MAGI2: variants seen among roughly 807,000 people sequenced by gnomAD.
The protein encoded by MAGI2 is membrane-associated guanylate kinase, WW and PDZ domain-containing protein 2.
In MAGI2, 35 loss-of-function variants were observed where a neutral mutation model predicts 133.3. That is an observed-to-expected ratio of 0.26 (90% CI 0.20 to 0.35). MAGI2 has a LOEUF of 0.35. Among genes scored for constraint, MAGI2 ranks in the 10% least tolerant of loss-of-function variants. The pLI is 1.00. For missense variants in MAGI2, 1,636 were observed against 1,863.4 expected (o/e 0.88, Z 2.25); for synonymous variants, 729 against 710.6 (o/e 1.03, Z -0.41).
chr7:79,132,255 T>C (rs553194141), intron 1 of MAGI2, among the ~76,000 whole-genome samples: 119 of 152,262 alleles, frequency 7.8e-4, no homozygotes, highest in African/African-American at 2.8e-3. Flanking sequence ...CTAAGTAGTA[T>C]ACATTGTACC....
intron 2 of MAGI2, among the ~76,000 whole-genome samples, chr7:78,760,069 T>C (rs1054856017): frequency 6.6e-6 from 1 of 151,836 alleles, no homozygotes; most frequent in Non-Finnish European, 1.5e-5. Flanking sequence ...CGAGCCAAGA[T>C]CATGCCACTG....
In MAGI2 at chr7:78,085,234, T is replaced by C. The variant is rs992320415; in HGVS notation, c.3568-6149A>G. Among the ~76,000 whole-genome samples, 6 of 152,182 alleles carry C rather than the reference T, an allele frequency of 3.9e-5. No homozygotes were observed. In the South Asian group the frequency reaches 8.3e-4, roughly 21 times the overall value. On this transcript the variant is annotated intron_variant, in intron 20 of 21. Coordinates refer to ENST00000354212, the MANE Select transcript of MAGI2 (RefSeq NM_012301.4). ...TGCTATGTTTTAGACAGTAATCACT[T>C]AAACAGAAAACAGGCTGGGCATGTT...
At chr7:78,848,293 TCTC>T (rs1431950350) in intron 2 of MAGI2, among the ~76,000 whole-genome samples, 20 of 151,796 alleles carry the variant, frequency 1.3e-4, no homozygotes, top group Admixed American at 2.6e-4. Context: ...CATCCTTGAT[TCTC>T]CTCATTCCTT....
At chr7:78,447,569 C>A (rs1788281029) in intron 6 of MAGI2, among the ~76,000 whole-genome samples, 1 of 151,994 alleles carries the variant, frequency 6.6e-6, no homozygotes, top group African/African-American at 2.4e-5. Flanking sequence ...GGAGGTATGG[C>A]TGGGAAGCAT....
chr7:78,237,081 T>C (rs1349216855), intron 10 of MAGI2, among the ~76,000 whole-genome samples: 1 of 152,156 alleles, frequency 6.6e-6, no homozygotes, highest in Non-Finnish European at 1.5e-5. Context: ...CAATTCAAGA[T>C]GAGATTTGGG....
At chr7:78,225,545 C>T (rs1241307482) in intron 10 of MAGI2, among the ~76,000 whole-genome samples, 1 of 151,922 alleles carries the variant, frequency 6.6e-6, no homozygotes, top group Admixed American at 6.5e-5. Flanking sequence ...TGGGGTTTTA[C>T]CAGAAAAATG....
At chr7:78,888,835 A>G (rs1336729888) in intron 2 of MAGI2, among the ~76,000 whole-genome samples, 1 of 152,192 alleles carries the variant, frequency 6.6e-6, no homozygotes, top group South Asian at 2.1e-4. Context: ...TCCTCCTCCA[A>G]AGGAACGCAG....
At chr7:78,406,867 T>C (rs924557466) in intron 6 of MAGI2, among the ~76,000 whole-genome samples, 1 of 152,082 alleles carries the variant, frequency 6.6e-6, no homozygotes, top group African/African-American at 2.4e-5. Context: ...CTACATAGCT[T>C]CCTAAATTCA....
chr7:79,163,797 T>A (rs1183901637), intron 1 of MAGI2, among the ~76,000 whole-genome samples: 1 of 152,084 alleles, frequency 6.6e-6, no homozygotes, highest in East Asian at 1.9e-4. Flanking sequence ...ATCTTTTTGA[T>A]ATTTGTTACT....
chr7:78,250,617 A>AT (rs903898078), intron 10 of MAGI2, among the ~76,000 whole-genome samples: 2 of 152,226 alleles, frequency 1.3e-5, no homozygotes, highest in African/African-American at 4.8e-5. Context: ...ATTACATAAA[A>AT]TTTTATTAAA....
intron 2 of MAGI2, among the ~76,000 whole-genome samples, chr7:78,738,950 G>A (rs1263066915): frequency 6.6e-6 from 1 of 152,130 alleles, no homozygotes; most frequent in Admixed American, 6.5e-5. Context: ...ACAGCTCAAA[G>A]CAAGAATAAA....
chr7:78,749,009 G>C (rs768124497), intron 2 of MAGI2, among the ~76,000 whole-genome samples: 9 of 152,224 alleles, frequency 5.9e-5, no homozygotes, highest in Non-Finnish European at 1.0e-4. Flanking sequence ...AGATGAGCTA[G>C]TGGTGAAACC....
At chr7:78,400,424 T>C (rs767568554) in intron 6 of MAGI2, among the ~76,000 whole-genome samples, 1 of 152,218 alleles carries the variant, frequency 6.6e-6, no homozygotes, top group Non-Finnish European at 1.5e-5. Context: ...CAATCTTAAT[T>C]AACTAAAATT....
At chr7:78,909,645 C>T (rs1255910235) in intron 2 of MAGI2, among the ~76,000 whole-genome samples, 2 of 144,036 alleles carry the variant, frequency 1.4e-5, no homozygotes, top group African/African-American at 5.1e-5. Flanking sequence ...ACAACAGATA[C>T]TGGTGAGGCT....
At chr7:78,606,214 T>C (rs1330127797) in intron 3 of MAGI2, among the ~76,000 whole-genome samples, 1 of 152,086 alleles carries the variant, frequency 6.6e-6, no homozygotes, top group African/African-American at 2.4e-5. Flanking sequence ...TTAGTTTGTT[T>C]TTTTAAAAGG....
In MAGI2 at chr7:79,203,818, C is replaced by T. The variant is rs557569106; in HGVS notation, c.302-196612G>A. Among the ~76,000 whole-genome samples, 4 of 152,146 alleles carry T rather than the reference C, an allele frequency of 2.6e-5. No individual in the cohort carries two copies. The South Asian group carries it at 8.3e-4, about 32-fold the overall frequency. On this transcript the variant is annotated intron_variant, in intron 1 of 21. Transcript: ENST00000354212. ...TTCTACAACCAGCATCTTAAATTAA[C>T]TTTGTTTCTTAATGTGCCAAGGAAG...
At chr7:78,227,851 TG>T (rs143300528) in intron 10 of MAGI2, among the ~76,000 whole-genome samples, 1 of 3,404 alleles carries the variant, frequency 2.9e-4, no homozygotes, top group Admixed American at 4.5e-3. Context: ...CTTACTCAGT[TG>T]TGTGTGTGTG....
intron 1 of MAGI2, among the ~76,000 whole-genome samples, chr7:79,126,554 C>G (rs548416865): frequency 2.0e-4 from 31 of 152,092 alleles, no homozygotes; most frequent in Non-Finnish European, 3.8e-4. Context: ...AGCCATGACA[C>G]AGTATCAGTC....
chr7:78,988,655 T>C (rs1277968121), intron 2 of MAGI2, among the ~76,000 whole-genome samples: 1 of 152,262 alleles, frequency 6.6e-6, no homozygotes, highest in African/African-American at 2.4e-5. Flanking sequence ...ATTTTACAAC[T>C]TGGTGATATT....
Sources: allele counts gnomAD v4.1 joint callset (sites outside exome capture counted in the v4.1 genomes callset), GRCh38; gene constraint gnomAD v4.1.1; transcripts MANE v1.5; gene names NCBI Gene and HGNC (gene_info 2026-07-23, HGNC 2026-07-21).